The following NLGN4X variants were observed in gnomAD, a reference collection of about 807,000 sequenced individuals.
NLGN4X encodes neuroligin 4 X-linked, also known as neuroligin-4, X-linked.
In NLGN4X, 3 loss-of-function variants were observed where a neutral mutation model predicts 40.3. The observed-to-expected ratio is 0.07, with a 90% CI of 0.03 to 0.19. The LOEUF is 0.19. NLGN4X is among the 10% of genes least tolerant of loss of function. The probability of loss-of-function intolerance (pLI) is 1.00; values close to 1 mark genes in which losing one functional copy is unlikely to be tolerated. For synonymous variants in NLGN4X, 270 were observed against 306.8 expected (o/e 0.88, Z 1.25); for missense variants, 382 against 708.3 (o/e 0.54, Z 5.23).
intron 3 of NLGN4X, among the ~76,000 whole-genome samples, chrX:5,937,101 G>T (rs1357621478): frequency 9.2e-6 from 1 of 109,121 alleles, no homozygotes; most frequent in Non-Finnish European, 1.9e-5. Flanking sequence ...TTTTAAGCAG[G>T]GTCTCACTCT....
chrX:6,114,439 A>G lies in NLGN4X; in HGVS notation c.472+36556T>C, dbSNP rs1457953921. Among the ~76,000 whole-genome samples, 3 of 109,596 alleles carry G rather than the reference A, an allele frequency of 2.7e-5. No homozygotes were observed. The South Asian group carries it at 1.2e-3, about 44-fold the overall frequency. On this transcript the variant is annotated intron_variant, in intron 2 of 5. Coordinates refer to ENST00000381095, the MANE Select transcript of NLGN4X (RefSeq NM_181332.3). Reference sequence around the variant, plus strand: ...TTCCCTGGCCTATGCAATCAGTGTTATAACTTAAAGCTCTAATTTAATGGA... The same window carrying G: ...TTCCCTGGCCTATGCAATCAGTGTTGTAACTTAAAGCTCTAATTTAATGGA...
chrX:6,152,894 C>G (rs914254135), intron 1 of NLGN4X, among the ~76,000 whole-genome samples: 6 of 112,387 alleles, frequency 5.3e-5, no homozygotes, highest in Admixed American at 9.5e-5. Flanking sequence ...TCCCATTGAG[C>G]CTGGAGTCAA....
At chrX:6,100,869 T>C (rs756817393) in intron 2 of NLGN4X, among the ~76,000 whole-genome samples, 4 of 111,168 alleles carry the variant, frequency 3.6e-5, no homozygotes, top group Non-Finnish European at 7.5e-5. Flanking sequence ...TAAACATATA[T>C]ACCATGAATA....
At chrX:5,938,644 T>C (rs1046439152) in intron 3 of NLGN4X, among the ~76,000 whole-genome samples, 7 of 109,121 alleles carry the variant, frequency 6.4e-5, no homozygotes, top group Middle Eastern at 4.9e-3. Flanking sequence ...CAAGAAGCAA[T>C]GGTCAAAGGC....
chrX:6,174,272 T>C (rs1250409987), intron 1 of NLGN4X, among the ~76,000 whole-genome samples: 1 of 110,575 alleles, frequency 9.0e-6, no homozygotes, highest in African/African-American at 3.3e-5. Context: ...AAAAAAAATA[T>C]ATAACAGATG....
At chrX:6,121,923 C>G (rs779290331) in intron 2 of NLGN4X, among the ~76,000 whole-genome samples, 1 of 112,503 alleles carries the variant, frequency 8.9e-6, no homozygotes, top group South Asian at 3.7e-4. Flanking sequence ...AAGAAGGTCA[C>G]AGTGCAAAGC....
chrX:6,224,994 A>AT, intron 1 of NLGN4X, among the ~76,000 whole-genome samples: 4 of 52,643 alleles, frequency 7.6e-5, no homozygotes, highest in African/African-American at 3.2e-4. Flanking sequence ...ATATATATAT[A>AT]TATATATATA....
intron 3 of NLGN4X, among the ~76,000 whole-genome samples, chrX:5,982,414 C>G (rs1161789687): frequency 3.6e-5 from 4 of 111,827 alleles, no homozygotes; most frequent in Non-Finnish European, 5.6e-5. Flanking sequence ...CTCTGAACTG[C>G]TCTTAAGAGA....
intron 3 of NLGN4X, among the ~76,000 whole-genome samples, chrX:5,921,379 T>C (rs1200818785): frequency 6.1e-5 from 4 of 66,098 alleles, no homozygotes; most frequent in African/African-American, 1.7e-4. Context: ...CTCAGCGGCA[T>C]TGAAAATGAA....
intron 1 of NLGN4X, among the ~76,000 whole-genome samples, chrX:6,191,910 A>G (rs1922578806): frequency 8.9e-6 from 1 of 111,844 alleles, no homozygotes; most frequent in Admixed American, 9.5e-5. Flanking sequence ...AACCAGTAAG[A>G]CTGACCAATA....
intron 1 of NLGN4X, among the ~76,000 whole-genome samples, chrX:6,187,322 CAAA>C (rs74706267): frequency 7.7e-5 from 5 of 64,871 alleles, no homozygotes; most frequent in Admixed American, 1.9e-4. Flanking sequence ...ACTAAAAATA[CAAA>C]AAAAAAAAAA....
chrX:6,126,554 A>G (rs1353718587), intron 2 of NLGN4X, among the ~76,000 whole-genome samples: 1 of 112,044 alleles, frequency 8.9e-6, no homozygotes, highest in Non-Finnish European at 1.9e-5. Context: ...TTATACCAGG[A>G]GTAGAAAATG....
At chrX:5,965,638 A>C (rs1381982567) in intron 3 of NLGN4X, among the ~76,000 whole-genome samples, 1 of 111,851 alleles carries the variant, frequency 8.9e-6, no homozygotes, top group Non-Finnish European at 1.9e-5. Flanking sequence ...CAGAGAACCC[A>C]GGAGATAAGG....
intron 3 of NLGN4X, among the ~76,000 whole-genome samples, chrX:6,028,339 G>A (rs945991752): frequency 1.8e-5 from 2 of 111,494 alleles, no homozygotes; most frequent in African/African-American, 6.5e-5. Context: ...CTCTGAAGAT[G>A]TATAATTTTC....
At chrX:5,977,150 G>T (rs1738202437) in intron 3 of NLGN4X, among the ~76,000 whole-genome samples, 1 of 112,515 alleles carries the variant, frequency 8.9e-6, no homozygotes, top group Non-Finnish European at 1.9e-5. Flanking sequence ...GGTCAAAGTA[G>T]GTGATTATCA....
intron 3 of NLGN4X, among the ~76,000 whole-genome samples, chrX:5,982,449 A>T (rs372026182): frequency 8.9e-6 from 1 of 112,206 alleles, no homozygotes; most frequent in Admixed American, 9.5e-5. Flanking sequence ...AAATATTTGC[A>T]TTATCTTTAT....
chrX:6,038,135 T>G lies in NLGN4X; in HGVS notation c.473-8703A>C, dbSNP rs192366608. On this transcript the variant is annotated intron_variant, in intron 2 of 5. Transcript: ENST00000381095. ...CGGGGCAGGAAAATGCATGCATGAA[T>G]TTAGGATCCTCTGCTGTTCCTGGTA... is the stretch of plus-strand genomic sequence containing the variant. 1.3e-3 allele frequency among the ~76,000 whole-genome samples: 149 copies of G among 111,679 alleles called. 3 individuals are homozygous for G. The Admixed American group carries it at 0.014, about 10-fold the overall frequency.
chrX:5,901,091 T>C (rs1381253409), intron 5 of NLGN4X, among the ~76,000 whole-genome samples: 2 of 112,164 alleles, frequency 1.8e-5, no homozygotes, highest in African/African-American at 6.5e-5. Flanking sequence ...AGTCTGATTA[T>C]TGAAAGGTGG....
chrX:6,000,552 G>A (rs374965075), intron 3 of NLGN4X, among the ~76,000 whole-genome samples: 93 of 110,749 alleles, frequency 8.4e-4, no homozygotes, highest in Admixed American at 2.5e-3. Context: ...TTGTGCCATC[G>A]TCCTGTTGAA....
Sources: gnomAD v4.1 joint callset for allele counts (sites outside exome capture counted in the v4.1 genomes callset) on GRCh38, gnomAD v4.1.1 for gene constraint, MANE v1.5 for transcripts, NCBI Gene and HGNC (gene_info 2026-07-23, HGNC 2026-07-21) for gene names.